SLC25A48: variants seen among roughly 807,000 people sequenced by gnomAD.
The protein encoded by SLC25A48 is CTC-321K16.1.
In SLC25A48, 29 loss-of-function variants were observed where a neutral mutation model predicts 32.2. The ratio of observed to expected loss-of-function variants is 0.90; its 90% CI spans 0.67 to 1.23. The LOEUF (loss-of-function observed/expected upper bound fraction) is 1.23. Ranked by LOEUF, SLC25A48 falls within the 50% of genes most tolerant of loss-of-function variation. The pLI, the probability that SLC25A48 is intolerant of heterozygous loss-of-function variation, is 0.00. For synonymous variants in SLC25A48, 164 were observed against 172.3 expected (o/e 0.95, Z 0.38); for missense variants, 399 against 422.7 (o/e 0.94, Z 0.49).
At chr5:135,846,800 A>C (rs1044863495) in intron 2 of SLC25A48, among the ~76,000 whole-genome samples, 1 of 152,198 alleles carries the variant, frequency 6.6e-6, no homozygotes, top group Non-Finnish European at 1.5e-5. Flanking sequence ...AAAATAGTAT[A>C]GTATATAAGA....
At chr5:135,638,037 C>T (rs970147963) in intron 3 of SLC25A48, among the ~76,000 whole-genome samples, 8 of 152,230 alleles carry the variant, frequency 5.3e-5, no homozygotes, top group African/African-American at 1.9e-4. Flanking sequence ...CAGTTACTGT[C>T]AGCCACGGAA....
chr5:135,641,576 T>A lies in SLC25A48; in HGVS notation c.-521+6620T>A, dbSNP rs76199309. Among the ~76,000 whole-genome samples the A allele has an allele frequency of 3.7e-3, 557 of 152,308 alleles. 5 individuals are homozygous for A. The highest frequency in any genetic ancestry group is 0.013 in the African/African-American group (541 of 41,560). On this transcript the variant is annotated intron_variant, in intron 3 of 10. Transcript: ENST00000646290. ...GTCAGTTCTTATTAATACTAACTGATGCTCTCCAATCAGCATTAGTGATGA... is the reference window on the plus strand; with the variant it reads ...GTCAGTTCTTATTAATACTAACTGAAGCTCTCCAATCAGCATTAGTGATGA...
intron 4 of SLC25A48, among the ~76,000 whole-genome samples, chr5:135,820,739 G>A (rs773481158): frequency 4.4e-4 from 67 of 152,188 alleles, no homozygotes; most frequent in Non-Finnish European, 9.1e-4. Flanking sequence ...ACGTTGAGTC[G>A]AGTGACTATT....
intron 3 of SLC25A48, among the ~76,000 whole-genome samples, chr5:135,755,533 A>G (rs1320000760): frequency 6.6e-6 from 1 of 152,012 alleles, no homozygotes; most frequent in Non-Finnish European, 1.5e-5. Context: ...TCACTGTGGT[A>G]TTTATCATAT....
chr5:135,884,069 A>G (rs1445232971), intron 7 of SLC25A48, among the ~76,000 whole-genome samples: 1 of 152,224 alleles, frequency 6.6e-6, no homozygotes, highest in African/African-American at 2.4e-5. Flanking sequence ...ACTGTCATAC[A>G]AAATGAATCT....
At chr5:135,767,720 A>G (rs1756280450) in intron 3 of SLC25A48, among the ~76,000 whole-genome samples, 2 of 150,440 alleles carry the variant, frequency 1.3e-5, no homozygotes, top group Non-Finnish European at 3.0e-5. Context: ...GATATTGTCC[A>G]TAATATCTAG....
At chr5:135,835,786 TAAG>T (rs1758457523) in intron 1 of SLC25A48, among the ~76,000 whole-genome samples, 1 of 127,520 alleles carries the variant, frequency 7.8e-6, no homozygotes, top group South Asian at 2.4e-4. Flanking sequence ...GGTGAAAAAA[TAAG>T]ATGAAAAGAA....
At chr5:135,659,479 C>A (rs1753335951) in intron 3 of SLC25A48, among the ~76,000 whole-genome samples, 1 of 152,228 alleles carries the variant, frequency 6.6e-6, no homozygotes, top group Admixed American at 6.5e-5. Context: ...AATTCCGAAC[C>A]TTTCCTCATC....
rs369365111 is a variant in SLC25A48, at chr5:135,722,199, G to A, written c.-521+87243G>A. ...CTGAGCAGCCATGGGTCAGGAATCT[G>A]TTGTCTTCTCTTTCTTCGAAATCTC... On this transcript the variant is annotated intron_variant, in intron 3 of 10. Transcript: ENST00000646290. 4.6e-5 allele frequency among the ~76,000 whole-genome samples: 7 copies of A among 152,326 alleles called. No homozygotes were observed. In the East Asian group the frequency reaches 1.2e-3, roughly 25 times the overall value.
intron 3 of SLC25A48, among the ~76,000 whole-genome samples, chr5:135,798,675 T>A (rs916386111): frequency 3.3e-5 from 5 of 151,646 alleles, no homozygotes; most frequent in Non-Finnish European, 7.4e-5. Context: ...AGGATAATAT[T>A]ACTCCCTAAA....
intron 3 of SLC25A48, among the ~76,000 whole-genome samples, chr5:135,792,035 C>A (rs12517037): frequency 0.023 from 3,459 of 151,808 alleles, 55 homozygotes; most frequent in Non-Finnish European, 0.031. Context: ...TGGGTGTTCA[C>A]CTCCTATGTT....
At position 135,888,144 on chromosome 5, in the gene SLC25A48, C is replaced by A; in HGVS notation, c.*120C>A. ...CTCCAAGTGGACATCAATTAGCAAG[C>A]GTGGGCTAGGATGGTGCAGACACTG... On this transcript the variant is annotated 3_prime_UTR_variant, in exon 8 of 8. Transcript: ENST00000681962. The A allele has an allele frequency of 6.6e-7, 1 of 1,513,780 alleles. No homozygotes were observed. The highest frequency in any genetic ancestry group is 9.0e-7 in the Non-Finnish European group (1 of 1,113,788). The allele number at this position is 1,513,780 out of a possible 1,614,324, so 93.8% of individuals were successfully genotyped here.
intron 4 of SLC25A48, among the ~76,000 whole-genome samples, chr5:135,870,055 AGTCAT>A (rs1761514001): frequency 6.6e-6 from 1 of 152,190 alleles, no homozygotes. Flanking sequence ...TAGACTGTGG[AGTCAT>A]GAAGCCGAAT....
chr5:135,662,821 G>A (rs529625428), intron 3 of SLC25A48, among the ~76,000 whole-genome samples: 1 of 152,180 alleles, frequency 6.6e-6, no homozygotes, highest in East Asian at 1.9e-4. Flanking sequence ...CCTTCTCTCA[G>A]TGTCCTCCAA....
chr5:135,862,079 C>A (rs974064116), intron 4 of SLC25A48, among the ~76,000 whole-genome samples: 4 of 152,128 alleles, frequency 2.6e-5, no homozygotes, highest in Non-Finnish European at 4.4e-5. Flanking sequence ...ATGAGCCTAA[C>A]TAGGTGGCCT....
chr5:135,876,922 A>G (rs1379912238), intron 6 of SLC25A48, among the ~76,000 whole-genome samples: 1 of 152,156 alleles, frequency 6.6e-6, no homozygotes, highest in African/African-American at 2.4e-5. Context: ...CCCCTCCCCA[A>G]GCATTCTTGA....
rs79282003 is a variant in SLC25A48 at position 135,874,279 on chromosome 5, A to T, written c.813+125A>T. On this transcript the variant is annotated intron_variant, in intron 6 of 7. Transcript: ENST00000681962. ...AGGGGGCTGCTGGTGATTATGTATC[A>T]GGTGCCACAAGTGGGTGCTTTGTCA... 7,919 of 1,186,100 alleles carry T rather than the reference A, an allele frequency of 6.7e-3. 456 individuals carry two copies. The African/African-American group carries it at 0.11, about 17-fold the overall frequency. The allele number at this position is 1,186,100 out of a possible 1,614,324, so 73.5% of individuals were successfully genotyped here.
chr5:135,871,060 GACACACACACACACACACAC>G (rs10569008), intron 4 of SLC25A48, among the ~76,000 whole-genome samples: 35 of 137,680 alleles, frequency 2.5e-4, no homozygotes, highest in East Asian at 8.9e-4. Context: ...TGTGTACACA[GACACACACACACACACACAC>G]ACACACACAC....
chr5:135,600,590 G>C (rs1233004129), intron 1 of SLC25A48, among the ~76,000 whole-genome samples: 1 of 151,834 alleles, frequency 6.6e-6, no homozygotes, highest in Non-Finnish European at 1.5e-5. Context: ...CCTCCTTCAG[G>C]GACTGCATTT....
Sources: allele counts gnomAD v4.1 joint callset (sites outside exome capture counted in the v4.1 genomes callset), GRCh38; gene constraint gnomAD v4.1.1; transcripts MANE v1.5; gene names NCBI Gene and HGNC (gene_info 2026-07-23, HGNC 2026-07-21).